The following PLCB1 variants were observed in gnomAD, a reference collection of about 807,000 sequenced individuals.
The protein encoded by PLCB1 is phospholipase C beta 1, also known as 1-phosphatidylinositol 4,5-bisphosphate phosphodiesterase beta-1.
PLCB1 carries 46 observed loss-of-function variants against 161.8 expected under a neutral mutation model. The ratio of observed to expected loss-of-function variants is 0.28; its 90% CI spans 0.22 to 0.36. The LOEUF (loss-of-function observed/expected upper bound fraction) is 0.36. PLCB1 is among the 10% of genes least tolerant of loss of function. The probability of loss-of-function intolerance (pLI) is 1.00; values close to 1 mark genes in which losing one functional copy is unlikely to be tolerated. For missense variants in PLCB1, 1,016 were observed against 1,472.5 expected (o/e 0.69, Z 5.07); for synonymous variants, 517 against 503.7 (o/e 1.03, Z -0.35).
chr20:8,641,877 A>G (rs1003064045), intron 4 of PLCB1, among the ~76,000 whole-genome samples: 1 of 152,162 alleles, frequency 6.6e-6, no homozygotes, highest in African/African-American at 2.4e-5. Context: ...CCTGATGATC[A>G]TGTATTTATT....
intron 3 of PLCB1, among the ~76,000 whole-genome samples, chr20:8,538,744 A>C (rs1985152873): frequency 6.6e-6 from 1 of 152,062 alleles, no homozygotes; most frequent in Non-Finnish European, 1.5e-5. Context: ...ATGAGACAAT[A>C]AATAAAAACT....
At chr20:8,540,920 A>T (rs926081849) in intron 3 of PLCB1, among the ~76,000 whole-genome samples, 1 of 152,038 alleles carries the variant, frequency 6.6e-6, no homozygotes, top group South Asian at 2.1e-4. Flanking sequence ...TATTTTTTTT[A>T]CTAATTTTTC....
At chr20:8,394,857 G>A (rs1022735991) in intron 3 of PLCB1, among the ~76,000 whole-genome samples, 4 of 151,906 alleles carry the variant, frequency 2.6e-5, no homozygotes, top group Non-Finnish European at 2.9e-5. Flanking sequence ...CACTTTTAAT[G>A]GTATCTTTAA....
At chr20:8,229,949 G>A (rs1281106268) in intron 2 of PLCB1, among the ~76,000 whole-genome samples, 1 of 149,772 alleles carries the variant, frequency 6.7e-6, no homozygotes, top group Non-Finnish European at 1.5e-5. Flanking sequence ...CCAGCTACCT[G>A]GGAGGCTGAG....
At chr20:8,202,466 T>C (rs2052103086) in intron 2 of PLCB1, among the ~76,000 whole-genome samples, 2 of 152,262 alleles carry the variant, frequency 1.3e-5, no homozygotes, top group African/African-American at 4.8e-5. Context: ...AGCTATTTTA[T>C]GTGTACACAC....
intron 1 of PLCB1, among the ~76,000 whole-genome samples, chr20:8,150,088 A>C (rs2051494743): frequency 6.6e-6 from 1 of 152,124 alleles, no homozygotes; most frequent in Admixed American, 6.5e-5. Flanking sequence ...GTTATGTATA[A>C]GTCTTCTGAT....
chr20:8,670,755 C>G lies in PLCB1; in HGVS notation c.862+12051C>G, dbSNP rs186105580. On this transcript the variant is annotated intron_variant, in intron 9 of 31. Transcript: ENST00000338037. ...TGTGATAGGAAAGTTTGTGCCCGGG[C>G]AAAGATAACTGAGAAGGGAACATTT... is the stretch of plus-strand genomic sequence containing the variant. Among the ~76,000 whole-genome samples, 282 of 152,180 alleles carry G rather than the reference C, an allele frequency of 1.9e-3. 1 individual carries two copies. Among genetic ancestry groups the G allele is most frequent in the African/African-American group, 6.7e-3 (279 of 41,506 alleles).
At chr20:8,728,270 C>G (rs1980046569) in intron 17 of PLCB1, among the ~76,000 whole-genome samples, 2 of 152,066 alleles carry the variant, frequency 1.3e-5, no homozygotes, top group Admixed American at 1.3e-4. Flanking sequence ...ATTCAGCTAG[C>G]AAGTTTGAGA....
chr20:8,251,189 T>G (rs536935053), intron 2 of PLCB1, among the ~76,000 whole-genome samples: 1 of 151,992 alleles, frequency 6.6e-6, no homozygotes, highest in African/African-American at 2.4e-5. Context: ...CTAACCTCAT[T>G]TGTGAGGGGA....
chr20:8,362,205 C>T (rs1312853993), intron 2 of PLCB1, among the ~76,000 whole-genome samples: 1 of 152,080 alleles, frequency 6.6e-6, no homozygotes, highest in Non-Finnish European at 1.5e-5. Flanking sequence ...CAATATATTT[C>T]TGAAATTATT....
rs538914107 is a variant in PLCB1, at chr20:8,367,692, T to C, written c.178-3690T>C. On this transcript the variant is annotated intron_variant, in intron 2 of 31. Coordinates refer to ENST00000338037, the MANE Select transcript of PLCB1 (RefSeq NM_015192.4). The stretch of plus-strand genomic sequence containing the variant: ...CACAAAGCTGGAAAACAGAAACTCT[T>C]AAACTGAGGAAGGGCAGAAAGGGAC... 6.6e-5 allele frequency among the ~76,000 whole-genome samples: 10 copies of C among 152,352 alleles called. 1 individual carries two copies. The South Asian group carries it at 2.1e-3, about 32-fold the overall frequency.
At chr20:8,279,013 G>T (rs1170954747) in intron 2 of PLCB1, among the ~76,000 whole-genome samples, 3 of 151,654 alleles carry the variant, frequency 2.0e-5, no homozygotes, top group East Asian at 3.9e-4. Context: ...AGCAAGTGTT[G>T]GCAAGGATGT....
At chr20:8,520,111 C>G (rs892616669) in intron 3 of PLCB1, among the ~76,000 whole-genome samples, 1 of 152,094 alleles carries the variant, frequency 6.6e-6, no homozygotes, top group Non-Finnish European at 1.5e-5. Flanking sequence ...AGAAAAGTCC[C>G]TTTAGGGGCC....
At chr20:8,684,047 C>A (rs889586650) in intron 9 of PLCB1, among the ~76,000 whole-genome samples, 1 of 151,190 alleles carries the variant, frequency 6.6e-6, no homozygotes, top group Non-Finnish European at 1.5e-5. Context: ...CCACACCCGG[C>A]TAATTTTTCT....
Position 8,564,887 on chromosome 20 carries a change from T to C in PLCB1, c.247-63407T>C, listed in dbSNP as rs184933260. Among the ~76,000 whole-genome samples, 37 of 152,330 alleles carry C rather than the reference T, an allele frequency of 2.4e-4. No homozygotes were observed. In the East Asian group the frequency reaches 6.8e-3, roughly 28 times the overall value. On this transcript the variant is annotated intron_variant, in intron 3 of 31. Coordinates refer to ENST00000338037, the MANE Select transcript of PLCB1 (RefSeq NM_015192.4). Reference sequence around the variant, plus strand: ...AATAGGAACAATTTTACACTGTTGGTGGGAGTGTAAATTAGTTCAACCATT... The same window carrying C: ...AATAGGAACAATTTTACACTGTTGGCGGGAGTGTAAATTAGTTCAACCATT...
At chr20:8,641,720 G>C (rs923396414) in intron 4 of PLCB1, among the ~76,000 whole-genome samples, 2 of 152,166 alleles carry the variant, frequency 1.3e-5, no homozygotes, top group Admixed American at 6.5e-5. Flanking sequence ...GACCTTCTCT[G>C]GTGGTGAAAG....
intron 3 of PLCB1, among the ~76,000 whole-genome samples, chr20:8,384,127 T>C (rs1987348556): frequency 6.6e-6 from 1 of 152,142 alleles, no homozygotes; most frequent in Non-Finnish European, 1.5e-5. Context: ...TTCCAGCTTC[T>C]TTTCATTCTC....
chr20:8,562,823 T>A (rs1252231892), intron 3 of PLCB1, among the ~76,000 whole-genome samples: 1 of 152,142 alleles, frequency 6.6e-6, no homozygotes, highest in African/African-American at 2.4e-5. Context: ...CTCAAATTAC[T>A]ACCTTTGGTG....
chr20:8,789,918 T>C (rs973597933), intron 30 of PLCB1, among the ~76,000 whole-genome samples: 1 of 152,194 alleles, frequency 6.6e-6, no homozygotes, highest in East Asian at 1.9e-4. Context: ...TTTTCCAATT[T>C]AATGTCATAG....
Sources: gnomAD v4.1 joint callset for allele counts (sites outside exome capture counted in the v4.1 genomes callset) on GRCh38, gnomAD v4.1.1 for gene constraint, MANE v1.5 for transcripts, NCBI Gene and HGNC (gene_info 2026-07-23, HGNC 2026-07-21) for gene names.